Variants in SH3KBP1 observed in about 807,000 individuals in gnomAD.
The protein encoded by SH3KBP1 is SH3 domain containing kinase binding protein 1.
In SH3KBP1, 8 loss-of-function variants were observed where a neutral mutation model predicts 50.1. That is an observed-to-expected ratio of 0.16 (90% CI 0.09 to 0.29). The LOEUF is 0.29. SH3KBP1 is among the 10% of genes least tolerant of loss of function. The probability of loss-of-function intolerance (pLI) is 1.00; values close to 1 mark genes in which losing one functional copy is unlikely to be tolerated. For missense variants in SH3KBP1, 377 were observed against 535.2 expected, an observed-to-expected ratio of 0.70 and a Z score of 2.92; for synonymous variants, 227 against 218.6, an observed-to-expected ratio of 1.04 and a Z score of -0.34.
In SH3KBP1 at chrX:19,542,130, G is replaced by A. The variant is rs759809081; in HGVS notation, c.1687C>T (p.Pro563Ser). ...PGTMAAGGGG[P>S]APLSSAAPSP... ...GGCGCCGCTGAGGACAGAGGGGCTG[G>A]CCCACCGCCACCTGCTGCCATGGTC... Residue 563 changes from proline (P) to serine (S), a missense_variant, in exon 16 of 18, where the codon CCA becomes TCA. Physicochemically the swap from Pro to Ser is moderately conservative, Grantham distance 74. Transcript: ENST00000397821. 4.2e-6 allele frequency: 5 copies of A among 1,199,171 alleles called. No individual in the cohort carries two copies. The highest frequency in any genetic ancestry group is 2.2e-5 in the Admixed American group (1 of 44,729).
chrX:19,803,951 T>C (rs1006870530), intron 2 of SH3KBP1, among the ~76,000 whole-genome samples: 1 of 110,967 alleles, frequency 9.0e-6, no homozygotes, highest in Non-Finnish European at 1.9e-5. Flanking sequence ...GGCAGGCGGA[T>C]CACGAGGTCA....
intron 2 of SH3KBP1, among the ~76,000 whole-genome samples, chrX:19,827,412 T>C (rs971861995): frequency 9.8e-5 from 11 of 112,019 alleles, no homozygotes; most frequent in Non-Finnish European, 2.1e-4. Context: ...CTACAAAATG[T>C]TGAGGGCCTG....
intron 7 of SH3KBP1, among the ~76,000 whole-genome samples, chrX:19,639,623 T>C (rs1230999304): frequency 9.0e-6 from 1 of 111,327 alleles, no homozygotes; most frequent in Non-Finnish European, 1.9e-5. Flanking sequence ...GACAGCAATG[T>C]CTGTATTGGG....
chrX:19,598,414 T>C (rs1337356096), intron 9 of SH3KBP1, among the ~76,000 whole-genome samples: 3 of 111,318 alleles, frequency 2.7e-5, no homozygotes, highest in African/African-American at 9.8e-5. Context: ...TACTTTCTTA[T>C]CATTCATGTG....
intron 6 of SH3KBP1, among the ~76,000 whole-genome samples, chrX:19,680,191 G>A (rs775508795): frequency 3.7e-5 from 4 of 109,411 alleles, no homozygotes; most frequent in African/African-American, 1.0e-4. Context: ...CCTGGTCAAC[G>A]TGGTGAAACC....
At chrX:19,694,330 C>G (rs1360747675) in intron 5 of SH3KBP1, among the ~76,000 whole-genome samples, 1 of 111,388 alleles carries the variant, frequency 9.0e-6, no homozygotes, top group East Asian at 2.8e-4. Flanking sequence ...ATTTTGAAAG[C>G]AATAGTAATT....
intron 1 of SH3KBP1, among the ~76,000 whole-genome samples, chrX:19,842,023 C>A (rs181126001): frequency 6.3e-5 from 7 of 110,328 alleles, no homozygotes; most frequent in Non-Finnish European, 1.1e-4. Context: ...ATGTTCAAAT[C>A]TAAAAAGACA....
chrX:19,747,978 T>G (rs1296840190), intron 2 of SH3KBP1, among the ~76,000 whole-genome samples: 1 of 112,561 alleles, frequency 8.9e-6, no homozygotes, highest in Non-Finnish European at 1.9e-5. Flanking sequence ...GGGGACAATC[T>G]GCAAACATTG....
intron 2 of SH3KBP1, among the ~76,000 whole-genome samples, chrX:19,830,146 T>G (rs1469468154): frequency 9.0e-6 from 1 of 111,190 alleles, no homozygotes; most frequent in Non-Finnish European, 1.9e-5. Context: ...TGACTTAGAA[T>G]GCCTAACTGT....
chrX:19,713,404 C>T (rs780372675), intron 3 of SH3KBP1, among the ~76,000 whole-genome samples: 7 of 108,777 alleles, frequency 6.4e-5, no homozygotes, highest in South Asian at 4.0e-4. Flanking sequence ...CTGGGACTAC[C>T]GATGTGAGCT....
chrX:19,547,084 C>T (rs1475796076), intron 14 of SH3KBP1, among the ~76,000 whole-genome samples: 1 of 108,403 alleles, frequency 9.2e-6, no homozygotes, highest in Non-Finnish European at 1.9e-5. Flanking sequence ...CCCCGGAGGT[C>T]GAGGGTGCAG....
intron 3 of SH3KBP1, among the ~76,000 whole-genome samples, chrX:19,724,132 C>T (rs180746612): frequency 9.0e-6 from 1 of 111,044 alleles, no homozygotes; most frequent in African/African-American, 3.3e-5. Flanking sequence ...TTTCCTCCCC[C>T]TCTCAGAGGG....
At chrX:19,736,593 T>A (rs2064584550) in intron 3 of SH3KBP1, among the ~76,000 whole-genome samples, 1 of 112,177 alleles carries the variant, frequency 8.9e-6, no homozygotes, top group African/African-American at 3.2e-5. Context: ...GTTGAAACAA[T>A]GAGGGCAGCC....
rs1011009960 is a variant in SH3KBP1 at position 19,567,339 on chromosome X, T to G, written c.1384+1764A>C. ...TTCGAGACTAGCCTGGGCAACATAG[T>G]GCAACCCCACCTTTACAAAAAATAC... On this transcript the variant is annotated intron_variant, in intron 13 of 17. Transcript: ENST00000397821. 2.0e-4 allele frequency among the ~76,000 whole-genome samples: 21 copies of G among 103,632 alleles called. 1 individual carries two copies. The highest frequency in any genetic ancestry group is 7.8e-5 in the Non-Finnish European group (4 of 51,065). The allele number at this position is 103,632 out of a possible 115,157, so 90.0% of individuals were successfully genotyped here.
At chrX:19,685,579 T>C (rs1029042443) in intron 5 of SH3KBP1, among the ~76,000 whole-genome samples, 2 of 111,713 alleles carry the variant, frequency 1.8e-5, no homozygotes, top group African/African-American at 6.5e-5. Context: ...GATTAGAGTG[T>C]GTAAACATCA....
At chrX:19,607,146 C>A (rs976043922) in intron 9 of SH3KBP1, among the ~76,000 whole-genome samples, 1 of 112,468 alleles carries the variant, frequency 8.9e-6, no homozygotes, top group Non-Finnish European at 1.9e-5. Context: ...CTACTGGAAT[C>A]GTGCCATGGC....
intron 2 of SH3KBP1, among the ~76,000 whole-genome samples, chrX:19,750,183 C>T (rs746095628): frequency 1.8e-5 from 2 of 111,675 alleles, no homozygotes; most frequent in Non-Finnish European, 1.9e-5. Context: ...CTCAGCCTCC[C>T]GAATAGCTGG....
chrX:19,643,303 TTTTATTTTTTTTTTTTTTA>T (rs1193060962), intron 7 of SH3KBP1, among the ~76,000 whole-genome samples: 9 of 90,316 alleles, frequency 1.0e-4, no homozygotes, highest in African/African-American at 5.0e-4. Context: ...CTGAAGAATT[TTTTATTTTTTTTTTTTTTA>T]TTTTTTTTTT....
At chrX:19,782,416 T>C (rs1373529979) in intron 2 of SH3KBP1, among the ~76,000 whole-genome samples, 1 of 111,741 alleles carries the variant, frequency 8.9e-6, no homozygotes, top group Non-Finnish European at 1.9e-5. Flanking sequence ...TTTGTTGTGG[T>C]AGCCAAGGAA....
Sources: allele counts gnomAD v4.1 joint callset (sites outside exome capture counted in the v4.1 genomes callset), GRCh38; gene constraint gnomAD v4.1.1; transcripts MANE v1.5; gene names NCBI Gene and HGNC (gene_info 2026-07-23, HGNC 2026-07-21).